TCF12: variants seen among roughly 807,000 people sequenced by gnomAD.
The protein encoded by TCF12 is DNA-binding protein HTF4.
In TCF12, 45 loss-of-function variants were observed where a neutral mutation model predicts 86.0. The ratio of observed to expected loss-of-function variants is 0.52; its 90% CI spans 0.41 to 0.67. TCF12 has a LOEUF of 0.67. Among genes scored for constraint, TCF12 ranks in the 30% least tolerant of loss-of-function variants. TCF12 has a pLI of 0.00. For synonymous variants in TCF12, 330 were observed against 299.6 expected, an observed-to-expected ratio of 1.10 and a Z score of -1.05; for missense variants, 881 against 859.9, an observed-to-expected ratio of 1.02 and a Z score of -0.31.
At chr15:57,238,040 C>T (rs1159504330) in intron 12 of TCF12, among the ~76,000 whole-genome samples, 1 of 152,150 alleles carries the variant, frequency 6.6e-6, no homozygotes, top group Non-Finnish European at 1.5e-5. Flanking sequence ...ACAATTCTGT[C>T]TGTCATCACT....
intron 8 of TCF12, among the ~76,000 whole-genome samples, chr15:57,217,030 C>A (rs1457514930): frequency 6.6e-6 from 1 of 151,940 alleles, no homozygotes; most frequent in East Asian, 1.9e-4. Flanking sequence ...TATATCTATG[C>A]TCAATTTAGG....
At chr15:57,206,582 CT>C (rs67531540) in intron 8 of TCF12, among the ~76,000 whole-genome samples, 23,387 of 82,710 alleles carry the variant, frequency 0.28, 2,162 homozygotes, top group Non-Finnish European at 0.39. Flanking sequence ...CTTGTATTCT[CT>C]TTTTTTTTTT....
intron 3 of TCF12, among the ~76,000 whole-genome samples, chr15:57,004,367 A>C (rs991718609): frequency 6.6e-6 from 1 of 151,808 alleles, no homozygotes; most frequent in Non-Finnish European, 1.5e-5. Flanking sequence ...CTTCCCGAGT[A>C]GCTGGAAATG....
intron 3 of TCF12, among the ~76,000 whole-genome samples, chr15:56,936,824 T>C (rs1225116485): frequency 1.3e-5 from 2 of 152,226 alleles, no homozygotes; most frequent in African/African-American, 4.8e-5. Flanking sequence ...TTCTGTTCCA[T>C]TGGTCTGTGT....
intron 13 of TCF12, chr15:57,247,548 C>T: frequency 1.1e-6 from 1 of 929,904 alleles, no homozygotes. Context: ...AAAGCAAATC[C>T]TGTCTTTTTT....
chr15:57,113,086 A>G (rs1414516374), intron 5 of TCF12, among the ~76,000 whole-genome samples: 2 of 152,154 alleles, frequency 1.3e-5, no homozygotes, highest in Non-Finnish European at 2.9e-5. Context: ...GCACTTGAAG[A>G]TCTTCATTTT....
intron 3 of TCF12, among the ~76,000 whole-genome samples, chr15:57,009,957 T>G (rs2064721438): frequency 6.6e-6 from 1 of 152,184 alleles, no homozygotes; most frequent in African/African-American, 2.4e-5. Context: ...TAAATATAAG[T>G]AACCTGTTGG....
At chr15:57,214,853 G>C (rs1302923654) in intron 8 of TCF12, among the ~76,000 whole-genome samples, 1 of 152,078 alleles carries the variant, frequency 6.6e-6, no homozygotes, top group Non-Finnish European at 1.5e-5. Context: ...TGATTTTTAA[G>C]ATTTTCATAC....
chr15:57,062,996 A>G (rs1309646412), intron 3 of TCF12, among the ~76,000 whole-genome samples: 1 of 152,192 alleles, frequency 6.6e-6, no homozygotes, highest in African/African-American at 2.4e-5. Flanking sequence ...CTGGGGACTG[A>G]TTCGGAGGTG....
In TCF12 at chr15:57,253,319, A is replaced by G; in HGVS notation, c.1318A>G (p.Asn440Asp). ...RLDDAIHVLR[N>D]HAVGPSTSLP... The stretch of plus-strand genomic sequence containing the variant: ...GGATGATGCAATCCATGTGCTGCGG[A>G]ACCATGCTGTGGGACCTTCCACCAG... The change falls in exon 16 of 21, where the codon AAC becomes GAC. Residue 440 changes from asparagine to aspartate, a missense_variant. By Grantham distance (23) the Asn-to-Asp change is conservative. Transcript: ENST00000333725. The G allele has an allele frequency of 6.2e-7, 1 of 1,614,056 alleles. No individual in the cohort carries two copies. The highest frequency in any genetic ancestry group is 8.5e-7 in the Non-Finnish European group (1 of 1,179,966).
intron 6 of TCF12, among the ~76,000 whole-genome samples, chr15:57,191,442 G>A (rs1284377567): frequency 6.6e-6 from 1 of 152,126 alleles, no homozygotes; most frequent in Non-Finnish European, 1.5e-5. Context: ...CAGCCTGAGT[G>A]ACAGAGCATA....
At chr15:57,044,782 A>T (rs1196133034) in intron 3 of TCF12, among the ~76,000 whole-genome samples, 3 of 152,124 alleles carry the variant, frequency 2.0e-5, no homozygotes, top group Admixed American at 1.3e-4. Flanking sequence ...TCAAATGTTC[A>T]CGGATTTGTT....
intron 8 of TCF12, among the ~76,000 whole-genome samples, chr15:57,210,391 C>A (rs2058052369): frequency 6.6e-6 from 1 of 151,532 alleles, no homozygotes; most frequent in African/African-American, 2.4e-5. Flanking sequence ...TATAAAACAT[C>A]TAACATGCTT....
At chr15:57,120,113 A>G (rs2051124033) in intron 5 of TCF12, among the ~76,000 whole-genome samples, 1 of 152,218 alleles carries the variant, frequency 6.6e-6, no homozygotes, top group African/African-American at 2.4e-5. Flanking sequence ...CAGTTCATTT[A>G]TCAGTACTTA....
intron 5 of TCF12, among the ~76,000 whole-genome samples, chr15:57,134,734 C>A (rs2052394085): frequency 6.6e-6 from 1 of 151,928 alleles, no homozygotes; most frequent in Non-Finnish European, 1.5e-5. Context: ...TTTGCTCATA[C>A]CATGGAAAAC....
At chr15:56,947,823 G>A in intron 3 of TCF12, among the ~76,000 whole-genome samples, 1 of 152,124 alleles carries the variant, frequency 6.6e-6, no homozygotes, top group Middle Eastern at 3.2e-3. Context: ...ACATATATCT[G>A]GTCAGGTATT....
At chr15:56,965,332 A>G (rs1470786897) in intron 3 of TCF12, among the ~76,000 whole-genome samples, 4 of 152,140 alleles carry the variant, frequency 2.6e-5, no homozygotes, top group Admixed American at 1.3e-4. Flanking sequence ...TTGATTTATT[A>G]GAAAATATTG....
chr15:57,234,128 T>G, intron 12 of TCF12, 21 bp downstream of exon 12: 1 of 1,598,604 alleles, frequency 6.3e-7, no homozygotes, highest in East Asian at 2.2e-5. Context: ...ATTTTACACA[T>G]TCTACTGAAT....
intron 3 of TCF12, 48 bp downstream of exon 3, chr15:56,921,146 C>T (rs1193311677): frequency 1.4e-6 from 2 of 1,425,916 alleles, no homozygotes; most frequent in Non-Finnish European, 1.9e-6. Flanking sequence ...TGGTGTGATA[C>T]ATTTTAGTAG....
Sources: gnomAD v4.1 joint callset for allele counts (sites outside exome capture counted in the v4.1 genomes callset) on GRCh38, gnomAD v4.1.1 for gene constraint, MANE v1.5 for transcripts, NCBI Gene and HGNC (gene_info 2026-07-23, HGNC 2026-07-21) for gene names.